The following ZZEF1 variants were observed in gnomAD, a reference collection of about 807,000 sequenced individuals.
ZZEF1 encodes zinc finger ZZ-type and EF-hand domain-containing protein 1.
A neutral mutation model predicts 342.8 loss-of-function variants in ZZEF1; 157 were observed. The ratio of observed to expected loss-of-function variants is 0.46; its 90% confidence interval spans 0.40 to 0.52. The LOEUF is 0.52. ZZEF1 is among the 20% of genes least tolerant of loss of function. The probability of loss-of-function intolerance (pLI) is 0.00; values close to 1 mark genes in which losing one functional copy is unlikely to be tolerated. For missense variants in ZZEF1, 3,480 were observed against 3,725.6 expected (o/e 0.93, Z 1.72); for synonymous variants, 1,505 against 1,429.1 (o/e 1.05, Z -1.20).
Position 4,042,430 on chromosome 17 carries a change from G to T in ZZEF1, c.6305C>A (p.Ser2102Ter). 1 of 1,609,104 alleles carries T rather than the reference G, an allele frequency of 6.2e-7. No individual in the cohort carries two copies. Among genetic ancestry groups the T allele is most frequent in the South Asian group, 1.1e-5 (1 of 89,992 alleles). Reference sequence around the variant, plus strand: ...CTTTTAAAAATAAATTGCCCTTACCGACTTTAAGGGAGGTAACATGGCTGC... The same window carrying T: ...CTTTTAAAAATAAATTGCCCTTACCTACTTTAAGGGAGGTAACATGGCTGC... ...LLAAMLPPLK[S>*]GPTVPLIDLE... The change falls in exon 39 of 55, where the codon TCG becomes TAG. Residue 2102 changes from serine (S) to a stop codon, truncating the protein, a stop_gained and splice_region_variant. Coordinates refer to ENST00000381638, the MANE Select transcript of ZZEF1 (RefSeq NM_015113.4). LOFTEE classifies it high-confidence loss of function.
Position 4,077,843 on chromosome 17 carries a change from A to T in ZZEF1, c.2989+40T>A. On this transcript the variant is annotated intron_variant, in intron 19 of 54. Transcript: ENST00000381638. The stretch of plus-strand genomic sequence containing the variant: ...AAGAGAACACTCAGAGTCAAAACCC[A>T]AACGCCATCTGTTTTCATGGATTTT... The T allele has an allele frequency of 2.5e-6, 4 of 1,605,010 alleles. No homozygotes were observed. In the South Asian group the frequency reaches 3.3e-5, roughly 13 times the overall value.
intron 15 of ZZEF1, 75 bp from the exon 16 acceptor site, chr17:4,085,878 T>A: frequency 6.4e-7 from 1 of 1,558,198 alleles, no homozygotes; most frequent in Non-Finnish European, 8.7e-7. Flanking sequence ...AACTAGCCTA[T>A]AAATTCACTA....
intron 1 of ZZEF1, among the ~76,000 whole-genome samples, chr17:4,135,449 G>A (rs1421703166): frequency 6.7e-6 from 1 of 148,172 alleles, no homozygotes; most frequent in South Asian, 2.2e-4. Context: ...ACTGCAGCCT[G>A]GGCAACAGAG....
At chr17:4,142,509 G>T in intron 1 of ZZEF1, 33 bp downstream of exon 1, 1 of 1,585,170 alleles carries the variant, frequency 6.3e-7, no homozygotes, top group Non-Finnish European at 8.5e-7. Context: ...CGACCGCCCT[G>T]CCCCATCCCC....
chr17:4,116,571 A>G (rs2058397107), intron 3 of ZZEF1, among the ~76,000 whole-genome samples: 1 of 152,202 alleles, frequency 6.6e-6, no homozygotes, highest in East Asian at 1.9e-4. Flanking sequence ...CTCATTGAAT[A>G]CCTACCATGC....
At chr17:4,120,202 CA>C (rs1185098701) in intron 2 of ZZEF1, among the ~76,000 whole-genome samples, 4 of 151,978 alleles carry the variant, frequency 2.6e-5, no homozygotes, top group Non-Finnish European at 4.4e-5. Flanking sequence ...ACTAAAAATA[CA>C]AAAATTATCT....
At chr17:4,091,358 TAAG>T (rs1304889223) in intron 11 of ZZEF1, among the ~76,000 whole-genome samples, 2 of 152,238 alleles carry the variant, frequency 1.3e-5, no homozygotes, top group East Asian at 1.9e-4. Flanking sequence ...GTCTGTTTCT[TAAG>T]AAGTTCTTTC....
chr17:4,137,205 A>G (rs1284866190), intron 1 of ZZEF1, among the ~76,000 whole-genome samples: 2 of 151,968 alleles, frequency 1.3e-5, no homozygotes, highest in African/African-American at 4.8e-5. Flanking sequence ...AGGGAGAGAC[A>G]AAAGAGCTGT....
At position 4,029,999 on chromosome 17, in the gene ZZEF1, C is replaced by T. The variant is rs527452528; in HGVS notation, c.6892+2127G>A. Among the ~76,000 whole-genome samples the T allele has an allele frequency of 5.0e-3, 727 of 144,174 alleles. 7 individuals are homozygous for T. The highest frequency in any genetic ancestry group is 0.018 in the African/African-American group (691 of 39,082). The allele number at this position is 144,174 out of a possible 152,430, so 94.6% of individuals were successfully genotyped here. ...TCACCTGAGCCCAGCAGTTTGAGAT[C>T]AACCTGGGCAACATGCTGAGATCCT... On this transcript the variant is annotated intron_variant, in intron 42 of 54. Transcript: ENST00000381638.
intron 38 of ZZEF1, among the ~76,000 whole-genome samples, chr17:4,043,152 T>C (rs963839588): frequency 7.2e-5 from 11 of 152,348 alleles, no homozygotes; most frequent in Admixed American, 6.5e-4. Context: ...CAGCATTTCA[T>C]CACCTTTTCA....
chr17:4,028,323 C>T (rs1032487030), intron 42 of ZZEF1, among the ~76,000 whole-genome samples: 3 of 152,046 alleles, frequency 2.0e-5, no homozygotes, highest in East Asian at 3.9e-4. Flanking sequence ...CCAAGGCAGG[C>T]GAATCACCTG....
chr17:4,049,851 C>CT lies in ZZEF1; in HGVS notation c.5871dup (p.Ala1958SerfsTer42). ...GGCAATACACCCAGCAAAGCTAGAG[C>CT]TTTAAGGCCTATGTGGGAAGCAAAT... On this transcript the variant is annotated frameshift_variant, in exon 37 of 55. Transcript: ENST00000381638. LOFTEE classifies it high-confidence loss of function. 6.2e-7 allele frequency: 1 copy of CT among 1,613,994 alleles called. No individual in the cohort carries two copies. Among genetic ancestry groups the CT allele is most frequent in the Non-Finnish European group, 8.5e-7 (1 of 1,179,976 alleles).
rs537747840 is a variant in ZZEF1, at chr17:4,024,435, G to A, written c.7092+484C>T. On this transcript the variant is annotated intron_variant, in intron 43 of 54. Transcript: ENST00000381638. ...GCTGGTCTTGAACTCCTGAGCTCAG[G>A]CAATCCACCTGCCTTGGCCTCCCAA... Among the ~76,000 whole-genome samples the A allele has an allele frequency of 9.7e-4, 147 of 152,074 alleles. 2 individuals carry two copies. Among genetic ancestry groups the A allele is most frequent in the African/African-American group, 3.3e-3 (137 of 41,494 alleles).
chr17:4,116,866 G>T, intron 3 of ZZEF1, 106 bp downstream of exon 3: 1 of 1,201,400 alleles, frequency 8.3e-7, no homozygotes, highest in Non-Finnish European at 1.2e-6. Flanking sequence ...TCATGACTCT[G>T]TATTTTCAGA....
intron 30 of ZZEF1, among the ~76,000 whole-genome samples, chr17:4,061,088 T>C (rs2057277525): frequency 6.6e-6 from 1 of 152,270 alleles, no homozygotes; most frequent in South Asian, 2.1e-4. Flanking sequence ...CTCTCCATTT[T>C]ATCACCCTCA....
chr17:4,111,852 A>G (rs1014887587), intron 5 of ZZEF1, among the ~76,000 whole-genome samples: 1 of 145,802 alleles, frequency 6.9e-6, no homozygotes, highest in Non-Finnish European at 1.5e-5. Context: ...TGGGCAACAC[A>G]GTGAGGCCCC....
At position 4,008,887 on chromosome 17, in the gene ZZEF1, G is replaced by A; in HGVS notation, c.8801C>T (p.Ala2934Val). The change falls in exon 54 of 55, where the codon GCA becomes GTA. Residue 2934 changes from alanine to valine, a missense_variant. This residue lies in a region of ZZEF1 where 1,269 missense variants were observed against 1,342.4 expected (regional missense o/e 0.95). Transcript: ENST00000381638. This position sits in a 1 kb window ranked among gnomAD's most constrained non-coding sequence, Gnocchi z 4.2. ...CTGTTGGGGTGGAGAGAGTACCTGT[G>A]CCGCACAGCGGAGAAGGTGGTCGTC... ...TTDDHLLRCAAQALQNIAAIS... is the reference protein window; with the variant it reads ...TTDDHLLRCAVQALQNIAAIS... The A allele has an allele frequency of 6.5e-7, 1 of 1,547,072 alleles. No homozygotes were observed. The highest frequency in any genetic ancestry group is 8.7e-7 in the Non-Finnish European group (1 of 1,148,630).
rs1426734259 is a variant in ZZEF1 at position 4,081,425 on chromosome 17, C to A, written c.2780G>T (p.Ser927Ile). The A allele has an allele frequency of 1.9e-6, 3 of 1,614,080 alleles. No homozygotes were observed. Among genetic ancestry groups the A allele is most frequent in the African/African-American group, 2.7e-5 (2 of 75,054 alleles). ...EKNDLAKMNI[S>I]EVLAVMDTLV... ...AGTGTCCATGACCGCCAGGACTTCACTGATGTTCATCTTGGCCAGGTCGTT... is the reference window on the plus strand; with the variant it reads ...AGTGTCCATGACCGCCAGGACTTCAATGATGTTCATCTTGGCCAGGTCGTT... The change falls in exon 18 of 55, where the codon AGT (serine) becomes ATT (isoleucine). Residue 927 changes from serine to isoleucine, a missense_variant. Physicochemically the swap from Ser to Ile is moderately radical, Grantham distance 142. Around this residue, in one of 5 missense-constraint regions of ZZEF1, gnomAD observed 1,528 missense variants for 1,624.1 expected, o/e 0.94. Transcript: ENST00000381638.
intron 32 of ZZEF1, 66 bp downstream of exon 32, chr17:4,057,928 C>A: frequency 6.6e-7 from 1 of 1,513,682 alleles, no homozygotes; most frequent in Non-Finnish European, 9.0e-7. Context: ...TCTTAACGCC[C>A]CCACTATGTT....
Sources: gnomAD v4.1 joint callset for allele counts (sites outside exome capture counted in the v4.1 genomes callset) on GRCh38, gnomAD v4.1.1 for gene constraint, gnomAD v4.1.1 regional missense constraint, Gnocchi (gnomAD v3.1) non-coding constraint, MANE v1.5 for transcripts, NCBI Gene and HGNC (gene_info 2026-07-23, HGNC 2026-07-21) for gene names.